Variants in NCAPD3 observed in about 807,000 individuals in gnomAD.
The protein encoded by NCAPD3 is non-SMC condensin II complex subunit D3.
Under a neutral mutation model 182.9 loss-of-function variants are expected in NCAPD3, and 105 were observed. The observed-to-expected ratio is 0.57, with a 90% CI of 0.49 to 0.68. NCAPD3 has a LOEUF of 0.68. Among genes scored for constraint, NCAPD3 ranks in the 30% least tolerant of loss-of-function variants. NCAPD3 has a pLI of 0.00. For missense variants in NCAPD3, 1,944 were observed against 1,837.0 expected (o/e 1.06, Z -1.07); for synonymous variants, 815 against 679.9 (o/e 1.20, Z -3.09).
At position 134,168,766 on chromosome 11, in the gene NCAPD3, G is replaced by A. The variant is rs964995283; in HGVS notation, c.3239+151C>T. ...GCTGCCCTTAGGAAGCGATTCTCAC[G>A]ACTGTATTTTCTTACGCCATCCTGC... On this transcript the variant is annotated intron_variant, in intron 25 of 34. Coordinates refer to ENST00000534548, the MANE Select transcript of NCAPD3 (RefSeq NM_015261.3). The A allele has an allele frequency of 1.9e-5, 25 of 1,348,778 alleles. No individual in the cohort carries two copies. In the South Asian group the frequency reaches 2.1e-4, roughly 12 times the overall value. The allele number at this position is 1,348,778 out of a possible 1,614,324, so 83.6% of individuals were successfully genotyped here. A position where few individuals can be genotyped will look rare whatever the true frequency, so the allele number is the denominator to read the frequency against.
At chr11:134,174,075 A>G (rs891221013) in intron 24 of NCAPD3, among the ~76,000 whole-genome samples, 1 of 152,172 alleles carries the variant, frequency 6.6e-6, no homozygotes, top group African/African-American at 2.4e-5. Flanking sequence ...TCTTCCTAAG[A>G]TCTGCATTAG....
intron 20 of NCAPD3, among the ~76,000 whole-genome samples, chr11:134,180,520 G>A (rs887644457): frequency 2.0e-5 from 3 of 152,086 alleles, no homozygotes; most frequent in African/African-American, 7.2e-5. Context: ...CTGGCTCACG[G>A]GAATTTCTTG....
intron 16 of NCAPD3, chr11:134,185,906 CT>C (rs34931150): frequency 1.4e-3 from 195 of 138,276 alleles, no homozygotes; most frequent in Middle Eastern, 3.6e-3. Context: ...TAACATTGTC[CT>C]TTTTTTTTTT....
At chr11:134,206,016 G>C (rs1937604107) in intron 8 of NCAPD3, among the ~76,000 whole-genome samples, 1 of 152,130 alleles carries the variant, frequency 6.6e-6, no homozygotes, top group South Asian at 2.1e-4. Flanking sequence ...GGAAGGAAAA[G>C]CCAACAACGC....
rs954466967 is a variant in NCAPD3, at chr11:134,159,935, A to C, written c.3824T>G (p.Val1275Gly). 4 of 1,613,920 alleles carry C rather than the reference A, an allele frequency of 2.5e-6. No individual in the cohort carries two copies. Residue 1275 changes from valine (V) to glycine (G), a missense_variant, in exon 29 of 35, where the codon GTG becomes GGG. Physicochemically the swap from Val to Gly is moderately radical, Grantham distance 109 (BLOSUM62 -3). Transcript: ENST00000534548. Reference protein sequence around the residue: ...QEQELAKHADVAGTAGGAEVA... With the variant: ...QEQELAKHADGAGTAGGAEVA... ...CTCAGCACCTCCAGCCGTCCCGGCC[A>C]CATCTGCATGTTTTGCTAGCTCCTG...
At position 134,177,091 on chromosome 11, in the gene NCAPD3, G is replaced by C. The variant is rs1188857039; in HGVS notation, c.3021+128C>G. On this transcript the variant is annotated intron_variant, in intron 23 of 34. Transcript: ENST00000534548. Reference sequence around the variant, plus strand: ...TAAACATCAGAAGAGTAAAACTCCAGACCAGAGATGAGACAATTATTTTTG... The same window carrying C: ...TAAACATCAGAAGAGTAAAACTCCACACCAGAGATGAGACAATTATTTTTG... 8 of 719,688 alleles carry C rather than the reference G, an allele frequency of 1.1e-5. No individual in the cohort carries two copies. The Admixed American group carries it at 1.2e-4, about 11-fold the overall frequency. 44.6% of individuals were successfully genotyped at this position (719,688 alleles called of 1,614,324 possible).
At chr11:134,187,688 A>G (rs1214381223) in intron 16 of NCAPD3, among the ~76,000 whole-genome samples, 1 of 152,214 alleles carries the variant, frequency 6.6e-6, no homozygotes, top group Non-Finnish European at 1.5e-5. Context: ...GAGGACAAAG[A>G]GGAAGAAATA....
chr11:134,215,846 G>A (rs541866381), intron 3 of NCAPD3, among the ~76,000 whole-genome samples: 2 of 152,096 alleles, frequency 1.3e-5, no homozygotes, highest in Admixed American at 6.5e-5. Context: ...CAACCAAAAC[G>A]ATCCTGAAAA....
At chr11:134,172,588 C>T (rs548353667) in intron 24 of NCAPD3, among the ~76,000 whole-genome samples, 2 of 152,336 alleles carry the variant, frequency 1.3e-5, no homozygotes, top group South Asian at 4.1e-4. Flanking sequence ...CCTCTCTACA[C>T]TCCTGTGGCA....
chr11:134,176,631 T>C (rs1944174489), intron 23 of NCAPD3, among the ~76,000 whole-genome samples: 2 of 152,234 alleles, frequency 1.3e-5, no homozygotes, highest in Non-Finnish European at 2.9e-5. Flanking sequence ...ACCCTCTATT[T>C]ATAATACGGT....
intron 20 of NCAPD3, among the ~76,000 whole-genome samples, chr11:134,180,399 C>A (rs184840117): frequency 6.6e-6 from 1 of 152,122 alleles, no homozygotes; most frequent in Non-Finnish European, 1.5e-5. Context: ...TGAATGGCAT[C>A]AAAAAGCAGC....
In NCAPD3 at chr11:134,151,879, G is replaced by T. The variant is rs908863439; in HGVS notation, c.*1065C>A. The T allele has an allele frequency of 6.6e-6, 1 of 152,138 alleles. No individual in the cohort carries two copies. The highest frequency in any genetic ancestry group is 2.4e-5 in the African/African-American group (1 of 41,406). The allele number at this position is 152,138 out of a possible 1,614,324, so 9.4% of individuals were successfully genotyped here. ...CCATCCACCAGGGAAGTCAGTGCTG[G>T]GCAGGAGGTCAGCCTGTGTGCTCAA... On this transcript the variant is annotated 3_prime_UTR_variant, in exon 35 of 35. Transcript: ENST00000534548.
Position 134,154,481 on chromosome 11 carries a change from C to A in NCAPD3, c.4253-1118G>T, listed in dbSNP as rs369670444. 4.0e-5 allele frequency among the ~76,000 whole-genome samples: 6 copies of A among 150,120 alleles called. No individual in the cohort carries two copies. In the South Asian group the frequency reaches 1.3e-3, roughly 32 times the overall value. On this transcript the variant is annotated intron_variant, in intron 32 of 34. Coordinates refer to ENST00000534548, the MANE Select transcript of NCAPD3 (RefSeq NM_015261.3). Reference sequence around the variant, plus strand: ...CTGCACATTATGCTTCTCTGCACCCCCCCCCCCACCGCCCCATCTGCCTAC... The same window carrying A: ...CTGCACATTATGCTTCTCTGCACCCACCCCCCCACCGCCCCATCTGCCTAC...
chr11:134,217,250 T>A, intron 2 of NCAPD3, 152 bp from the exon 3 acceptor site: 1 of 551,504 alleles, frequency 1.8e-6, no homozygotes, highest in East Asian at 3.3e-5. Context: ...TCAAAGGGAC[T>A]GAAACAAAAT....
At chr11:134,205,378 A>G (rs1213351301) in intron 8 of NCAPD3, among the ~76,000 whole-genome samples, 1 of 151,390 alleles carries the variant, frequency 6.6e-6, no homozygotes, top group African/African-American at 2.4e-5. Flanking sequence ...CCAATAAGAA[A>G]TTTCTTTTTT....
intron 7 of NCAPD3, among the ~76,000 whole-genome samples, chr11:134,207,032 CTG>C (rs758721682): frequency 7.2e-5 from 11 of 152,298 alleles, no homozygotes; most frequent in Non-Finnish European, 1.3e-4. Context: ...AGGGAATTAA[CTG>C]TCATTTACAT....
intron 1 of NCAPD3, chr11:134,223,267 C>A: frequency 1.7e-6 from 1 of 593,968 alleles, no homozygotes; most frequent in South Asian, 2.0e-5. Context: ...CCTGCAATTG[C>A]TCGAGGCTAT....
At chr11:134,167,847 G>T in intron 27 of NCAPD3, 149 bp downstream of exon 27, 1 of 757,766 alleles carries the variant, frequency 1.3e-6, no homozygotes, top group Non-Finnish European at 2.2e-6. Context: ...GATGAGCTTG[G>T]GGGAGCAGCA....
rs188626813 is a variant in NCAPD3, at chr11:134,201,805, T to C, written c.1615+1011A>G. ...CATTCAGCATTTTTCCAGAGTACAT[T>C]TTCCTACCACATTTAGAAAACCTGT... On this transcript the variant is annotated intron_variant, in intron 13 of 34. Coordinates refer to ENST00000534548, the MANE Select transcript of NCAPD3 (RefSeq NM_015261.3). Among the ~76,000 whole-genome samples the C allele has an allele frequency of 6.1e-3, 935 of 152,350 alleles. 3 individuals carry two copies. The highest frequency in any genetic ancestry group is 0.017 in the Middle Eastern group (5 of 294).
Sources: gnomAD v4.1 joint callset for allele counts (sites outside exome capture counted in the v4.1 genomes callset) on GRCh38, gnomAD v4.1.1 for gene constraint, MANE v1.5 for transcripts, NCBI Gene and HGNC (gene_info 2026-07-23, HGNC 2026-07-21) for gene names.